The following VWA8 variants were observed in gnomAD, a reference collection of about 807,000 sequenced individuals.
VWA8 encodes the protein von Willebrand factor A domain containing 8.
A neutral mutation model predicts 241.5 loss-of-function variants in VWA8; 221 were observed. That is an observed-to-expected ratio of 0.91 (90% CI 0.82 to 1.02). The LOEUF is 1.02. Among genes scored for constraint, VWA8 ranks in the 50% least tolerant of loss-of-function variants. VWA8 has a pLI of 0.00. For synonymous variants in VWA8, 852 were observed against 827.1 expected, an observed-to-expected ratio of 1.03 and a Z score of -0.52; for missense variants, 2,322 against 2,328.7, an observed-to-expected ratio of 1.00 and a Z score of 0.06.
chr13:41,744,329 C>T (rs980722260), intron 21 of VWA8, among the ~76,000 whole-genome samples: 2 of 152,094 alleles, frequency 1.3e-5, no homozygotes, highest in Non-Finnish European at 2.9e-5. Context: ...GTTGACTGTT[C>T]GAATGAATGA....
chr13:41,790,468 G>T (rs1869407489), intron 17 of VWA8, among the ~76,000 whole-genome samples: 1 of 151,904 alleles, frequency 6.6e-6, no homozygotes, highest in Non-Finnish European at 1.5e-5. Context: ...CATGCAAATT[G>T]AGTTTTTGAC....
chr13:41,702,586 T>G (rs1416231289), intron 27 of VWA8, among the ~76,000 whole-genome samples: 2 of 152,158 alleles, frequency 1.3e-5, no homozygotes, highest in Non-Finnish European at 2.9e-5. Flanking sequence ...TTTTTGTAAA[T>G]AAAATTTTGG....
chr13:41,728,278 A>G (rs890573555), intron 23 of VWA8, among the ~76,000 whole-genome samples: 1 of 152,098 alleles, frequency 6.6e-6, no homozygotes, highest in African/African-American at 2.4e-5. Context: ...GTATGTGGCT[A>G]CAGGCAAAAT....
At chr13:41,866,064 A>C in intron 10 of VWA8, 28 bp from the exon 11 acceptor site, 1 of 1,606,690 alleles carries the variant, frequency 6.2e-7, no homozygotes, top group Non-Finnish European at 8.5e-7. Context: ...TCAATATAAC[A>C]TGGCCAGATG....
At chr13:41,614,745 C>A (rs1232565537) in intron 38 of VWA8, among the ~76,000 whole-genome samples, 2 of 152,166 alleles carry the variant, frequency 1.3e-5, no homozygotes, top group Non-Finnish European at 2.9e-5. Context: ...CCAGGAGGGT[C>A]AGCATGTTCT....
At chr13:41,834,092 G>C (rs1006771507) in intron 12 of VWA8, among the ~76,000 whole-genome samples, 2 of 152,220 alleles carry the variant, frequency 1.3e-5, no homozygotes, top group African/African-American at 4.8e-5. Context: ...GAAGAGGACA[G>C]TCATCAGATG....
At position 41,907,577 on chromosome 13, in the gene VWA8, A is replaced by G; in HGVS notation, c.483+9T>C. 2 of 1,613,516 alleles carry G rather than the reference A, an allele frequency of 1.2e-6. No homozygotes were observed. The highest frequency in any genetic ancestry group is 1.7e-6 in the Non-Finnish European group (2 of 1,179,424). ...ACACAGTCATGGGCTAGAGTGTGAC[A>G]GAACTTGCCTGATCAATGTAAAAGG... On this transcript the variant is annotated intron_variant, in intron 4 of 44. Coordinates refer to ENST00000379310, the MANE Select transcript of VWA8 (RefSeq NM_015058.2).
chr13:41,678,078 A>G (rs922841074), intron 35 of VWA8, among the ~76,000 whole-genome samples: 1 of 152,226 alleles, frequency 6.6e-6, no homozygotes, highest in Admixed American at 6.5e-5. Context: ...TGAGGCATTC[A>G]CAGTAAAATG....
At chr13:41,888,860 T>C (rs547245646) in intron 5 of VWA8, among the ~76,000 whole-genome samples, 3 of 152,278 alleles carry the variant, frequency 2.0e-5, no homozygotes, top group Admixed American at 1.3e-4. Flanking sequence ...TGAATCAAAA[T>C]CAGAAATCAT....
intron 37 of VWA8, among the ~76,000 whole-genome samples, chr13:41,658,670 C>T (rs2044926647): frequency 6.6e-6 from 1 of 152,254 alleles, no homozygotes; most frequent in African/African-American, 2.4e-5. Context: ...CTGGTCATTA[C>T]CTCAGCCTCA....
chr13:41,844,204 T>G (rs1162898373), intron 12 of VWA8, among the ~76,000 whole-genome samples: 4 of 152,128 alleles, frequency 2.6e-5, no homozygotes, highest in Admixed American at 2.0e-4. Context: ...ATAAATATGA[T>G]CACCACATAA....
chr13:41,591,722 T>C (rs1191979575), intron 40 of VWA8, among the ~76,000 whole-genome samples: 1 of 147,562 alleles, frequency 6.8e-6, no homozygotes, highest in Non-Finnish European at 1.5e-5. Context: ...AAAATGCTCA[T>C]CATCACTGGC....
chr13:41,806,073 A>G (rs1370027719), intron 17 of VWA8, among the ~76,000 whole-genome samples: 1 of 151,964 alleles, frequency 6.6e-6, no homozygotes, highest in Non-Finnish European at 1.5e-5. Context: ...GAAATCAGTA[A>G]CTGGAGGAAT....
intron 37 of VWA8, among the ~76,000 whole-genome samples, chr13:41,637,759 T>C (rs1295155382): frequency 6.6e-6 from 1 of 152,210 alleles, no homozygotes; most frequent in Non-Finnish European, 1.5e-5. Flanking sequence ...CCCTGTCTTC[T>C]TCCCCCACAA....
At chr13:41,742,058 A>T (rs1334612005) in intron 21 of VWA8, among the ~76,000 whole-genome samples, 1 of 152,220 alleles carries the variant, frequency 6.6e-6, no homozygotes, top group Non-Finnish European at 1.5e-5. Flanking sequence ...ACACTTAGTT[A>T]TCCAGCATGT....
At chr13:41,769,538 CT>C (rs1336749958) in intron 20 of VWA8, among the ~76,000 whole-genome samples, 7 of 152,214 alleles carry the variant, frequency 4.6e-5, no homozygotes, top group Non-Finnish European at 7.4e-5. Flanking sequence ...ATGTCCTTTA[CT>C]TAGTATGTAA....
At chr13:41,650,375 C>T (rs1469486492) in intron 37 of VWA8, among the ~76,000 whole-genome samples, 1 of 152,146 alleles carries the variant, frequency 6.6e-6, no homozygotes, top group Non-Finnish European at 1.5e-5. Context: ...GTTTTGGCTA[C>T]CTGGCTCAGA....
rs145257325 is a variant in VWA8 at position 41,868,967 on chromosome 13, T to C, written c.1081-490A>G. Among the ~76,000 whole-genome samples the C allele has an allele frequency of 1.0e-3, 151 of 148,762 alleles. 1 individual carries two copies. Among genetic ancestry groups the C allele is most frequent in the African/African-American group, 3.5e-3 (143 of 40,342 alleles). On this transcript the variant is annotated intron_variant, in intron 9 of 44. Transcript: ENST00000379310. ...GAAAATTTTTTTCTATTCCTACTAA[T>C]ACCATTCTACTTACAATAATTATTA...
chr13:41,831,613 G>GTTTTTTTTTTTTTTTTTTTTTTTTTTTTT lies in VWA8; in HGVS notation c.1587-972_1587-971insAAAAAAAAAAAAAAAAAAAAAAAAAAAAA, dbSNP rs71096547. 1.8e-5 allele frequency among the ~76,000 whole-genome samples: 2 copies of GTTTTTTTTTTTTTTTTTTTTTTTTTTTTT among 113,412 alleles called. 1 individual carries two copies. The highest frequency in any genetic ancestry group is 3.4e-5 in the Non-Finnish European group (2 of 58,462). The allele number at this position is 113,412 out of a possible 152,430, so 74.4% of individuals were successfully genotyped here. ...TTCTGATGGTGAAGCCCAGGCATGA[G>GTTTTTTTTTTTTTTTTTTTTTTTTTTTTT]TTTTTTTTTTTTTTTTTTTTTTTGA... On this transcript the variant is annotated intron_variant, in intron 13 of 44. Transcript: ENST00000379310.
Sources: gnomAD v4.1 joint callset for allele counts (sites outside exome capture counted in the v4.1 genomes callset) on GRCh38, gnomAD v4.1.1 for gene constraint, MANE v1.5 for transcripts, NCBI Gene and HGNC (gene_info 2026-07-23, HGNC 2026-07-21) for gene names.